The following BTBD9 variants were observed in gnomAD, a reference collection of about 807,000 sequenced individuals.
BTBD9 encodes BTB/POZ domain-containing protein 9.
Under a neutral mutation model 64.3 loss-of-function variants are expected in BTBD9, and 49 were observed. The ratio of observed to expected loss-of-function variants is 0.76; its 90% confidence interval spans 0.61 to 0.97. BTBD9 has a LOEUF of 0.97. Among genes scored for constraint, BTBD9 ranks in the 50% least tolerant of loss-of-function variants. The pLI is 0.00. For synonymous variants in BTBD9, 260 were observed against 274.7 expected, an observed-to-expected ratio of 0.95 and a Z score of 0.53; for missense variants, 598 against 762.1, an observed-to-expected ratio of 0.78 and a Z score of 2.53.
chr6:38,537,885 T>C (rs909991297), intron 6 of BTBD9, among the ~76,000 whole-genome samples: 6 of 152,164 alleles, frequency 3.9e-5, no homozygotes, highest in Non-Finnish European at 8.8e-5. Flanking sequence ...GGGCATACTG[T>C]ACTCTGCTAT....
intron 8 of BTBD9, among the ~76,000 whole-genome samples, chr6:38,267,164 T>C (rs1471291694): frequency 2.6e-5 from 4 of 152,258 alleles, no homozygotes; most frequent in Non-Finnish European, 5.9e-5. Context: ...CAGCTGGCTT[T>C]TAGCTTCATT....
At chr6:38,466,882 T>A (rs528398980) in intron 6 of BTBD9, among the ~76,000 whole-genome samples, 36 of 152,242 alleles carry the variant, frequency 2.4e-4, no homozygotes, top group African/African-American at 7.5e-4. Flanking sequence ...CCTTCCTCAA[T>A]CACATTTTTA....
chr6:38,358,116 T>C (rs938296915), intron 6 of BTBD9, among the ~76,000 whole-genome samples: 12 of 152,066 alleles, frequency 7.9e-5, no homozygotes, highest in African/African-American at 2.9e-4. Flanking sequence ...CTGAAACAGC[T>C]GCACAGACAG....
chr6:38,445,041 A>C (rs1769205555), intron 6 of BTBD9, among the ~76,000 whole-genome samples: 1 of 152,046 alleles, frequency 6.6e-6, no homozygotes, highest in African/African-American at 2.4e-5. Context: ...TCTGAACTGG[A>C]ATATTGAATT....
At chr6:38,467,919 C>CT (rs939604714) in intron 6 of BTBD9, among the ~76,000 whole-genome samples, 15 of 152,054 alleles carry the variant, frequency 9.9e-5, no homozygotes, top group Non-Finnish European at 1.9e-4. Context: ...TCATAGCTTA[C>CT]TTTTTTTTCT....
At chr6:38,176,120 G>A (rs1254032181) in intron 10 of BTBD9, among the ~76,000 whole-genome samples, 2 of 152,184 alleles carry the variant, frequency 1.3e-5, no homozygotes, top group African/African-American at 4.8e-5. Flanking sequence ...ACGTGCTTCG[G>A]GGGGTCCTGA....
At position 38,284,176 on chromosome 6, in the gene BTBD9, A is replaced by AT. The variant is rs201125149; in HGVS notation, c.1454+4095dup. ...GTTATACAGAGCTTCAATTGCATGG[A>AT]TTTTTTTTTTTACTGGGAAAAAAAA... On this transcript the variant is annotated intron_variant, in intron 8 of 10. Coordinates refer to ENST00000481247, the MANE Select transcript of BTBD9 (RefSeq NM_001099272.2). 2.6e-3 allele frequency among the ~76,000 whole-genome samples: 377 copies of AT among 147,360 alleles called. 10 individuals carry two copies. In the East Asian group the frequency reaches 0.041, roughly 16 times the overall value.
At chr6:38,275,185 A>G (rs982081548) in intron 8 of BTBD9, among the ~76,000 whole-genome samples, 4 of 152,360 alleles carry the variant, frequency 2.6e-5, no homozygotes, top group Middle Eastern at 3.4e-3. Context: ...GCCCTCAGAT[A>G]TAACGCCACA....
At chr6:38,348,107 C>T (rs983932976) in intron 6 of BTBD9, among the ~76,000 whole-genome samples, 2 of 152,196 alleles carry the variant, frequency 1.3e-5, no homozygotes, top group East Asian at 3.9e-4. Context: ...TCCTTGACAA[C>T]GAGCATATTT....
chr6:38,555,577 T>C (rs1774978807), intron 6 of BTBD9, among the ~76,000 whole-genome samples: 1 of 152,212 alleles, frequency 6.6e-6, no homozygotes, highest in African/African-American at 2.4e-5. Context: ...TTGTTAGATA[T>C]CTTTTAGTTT....
At chr6:38,220,732 C>A (rs948591328) in intron 9 of BTBD9, among the ~76,000 whole-genome samples, 3 of 152,216 alleles carry the variant, frequency 2.0e-5, no homozygotes, top group African/African-American at 7.2e-5. Context: ...GAGCCATACA[C>A]TAAAAATGCA....
At chr6:38,559,688 TTACAG>T in intron 6 of BTBD9, among the ~76,000 whole-genome samples, 1 of 152,038 alleles carries the variant, frequency 6.6e-6, no homozygotes, top group East Asian at 1.9e-4. Flanking sequence ...CACTATAAGG[TTACAG>T]TAATGAAAAC....
chr6:38,218,899 CCATTTATGAGGGTGA>C (rs1331288535), intron 9 of BTBD9, among the ~76,000 whole-genome samples: 2 of 152,132 alleles, frequency 1.3e-5, no homozygotes, highest in African/African-American at 4.8e-5. Flanking sequence ...GAAGAACAAT[CCATTTATGAGGGTGA>C]CTTTTAGAAA....
chr6:38,432,792 G>A (rs1486724175), intron 6 of BTBD9, among the ~76,000 whole-genome samples: 1 of 151,856 alleles, frequency 6.6e-6, no homozygotes, highest in Non-Finnish European at 1.5e-5. Flanking sequence ...CCAATCAGCA[G>A]CATCCATTCC....
intron 10 of BTBD9, among the ~76,000 whole-genome samples, chr6:38,185,415 G>A (rs144368744): frequency 2.0e-5 from 3 of 152,254 alleles, no homozygotes; most frequent in African/African-American, 7.2e-5. Context: ...TAGAGTTCTG[G>A]GCCAGGGTGC....
intron 1 of BTBD9, among the ~76,000 whole-genome samples, chr6:38,608,184 A>C (rs1258884000): frequency 6.6e-6 from 1 of 152,198 alleles, no homozygotes; most frequent in East Asian, 1.9e-4. Context: ...TTTAGGAATG[A>C]CAAGTCATAG....
chr6:38,613,086 C>G (rs542518633), intron 1 of BTBD9: 1 of 151,988 alleles, frequency 6.6e-6, no homozygotes, highest in African/African-American at 2.4e-5. Flanking sequence ...AAAAAGAAAA[C>G]CATGTTTTTA....
At chr6:38,267,839 C>G (rs748503823) in intron 8 of BTBD9, among the ~76,000 whole-genome samples, 60 of 152,244 alleles carry the variant, frequency 3.9e-4, no homozygotes, top group Non-Finnish European at 8.1e-4. Flanking sequence ...ACTCGGGAGG[C>G]TGAGGGAGGA....
At chr6:38,589,897 C>T (rs1051729200) in intron 4 of BTBD9, among the ~76,000 whole-genome samples, 3 of 152,226 alleles carry the variant, frequency 2.0e-5, no homozygotes, top group Non-Finnish European at 4.4e-5. Flanking sequence ...CTTCTTCCTT[C>T]TCTACCTTAA....
Sources: gnomAD v4.1 joint callset for allele counts (sites outside exome capture counted in the v4.1 genomes callset) on GRCh38, gnomAD v4.1.1 for gene constraint, MANE v1.5 for transcripts, NCBI Gene and HGNC (gene_info 2026-07-23, HGNC 2026-07-21) for gene names.